METTL21A: variants seen among roughly 807,000 people sequenced by gnomAD.
METTL21A encodes the protein protein N-lysine methyltransferase METTL21A.
Under a neutral mutation model 20.9 loss-of-function variants are expected in METTL21A, and 22 were observed. That is an observed-to-expected ratio of 1.05 (90% CI 0.75 to 1.50). The LOEUF (loss-of-function observed/expected upper bound fraction) is 1.50, where lower values mean the gene tolerates loss of function less well. Among genes scored for constraint, METTL21A ranks in the 40% most tolerant of loss-of-function variants. The pLI is 0.00. For synonymous variants in METTL21A, 93 were observed against 102.0 expected (o/e 0.91, Z 0.53); for missense variants, 271 against 266.8 (o/e 1.02, Z -0.11).
At chr2:207,582,587 A>G (rs2083111038) in intron 3 of METTL21A, among the ~76,000 whole-genome samples, 1 of 152,040 alleles carries the variant, frequency 6.6e-6, no homozygotes, top group African/African-American at 2.4e-5. Flanking sequence ...TTTTAAGCAC[A>G]TCTTTACTTT....
chr2:207,590,487 T>G (rs1374260457), intron 3 of METTL21A, among the ~76,000 whole-genome samples: 2 of 152,086 alleles, frequency 1.3e-5, no homozygotes, highest in Non-Finnish European at 2.9e-5. Flanking sequence ...TTCTCCTGCT[T>G]GCTTTGGTTT....
chr2:207,624,141 C>T, intron 2 of METTL21A, 88 bp downstream of exon 2: 1 of 1,424,908 alleles, frequency 7.0e-7, no homozygotes, highest in Non-Finnish European at 9.4e-7. Flanking sequence ...TGAATTATAT[C>T]TCAATAAAGC....
At chr2:207,613,161 T>C in exon 4 of METTL21A, 1 of 1,614,040 alleles carries the variant, frequency 6.2e-7, no homozygotes, top group Non-Finnish European at 8.5e-7. Context: ...TAAGAAGTTG[T>C]TATCCCGTTC....
chr2:207,597,297 C>A (rs1248652647), intron 3 of METTL21A: 2 of 415,702 alleles, frequency 4.8e-6, no homozygotes, highest in African/African-American at 2.1e-5. Flanking sequence ...GAAGAGACTT[C>A]TGCTTTTCAA....
At chr2:207,622,607 A>C (rs994169828) in intron 2 of METTL21A, among the ~76,000 whole-genome samples, 1 of 152,236 alleles carries the variant, frequency 6.6e-6, no homozygotes, top group African/African-American at 2.4e-5. Context: ...CAAAGCCACA[A>C]CTTCACCCAT....
At chr2:207,584,418 A>C (rs1250640520) in intron 3 of METTL21A, among the ~76,000 whole-genome samples, 3 of 150,770 alleles carry the variant, frequency 2.0e-5, no homozygotes, top group African/African-American at 7.3e-5. Context: ...TTTTTTTTTG[A>C]GACGGAGTCT....
At chr2:207,590,893 G>A (rs1384405628) in intron 3 of METTL21A, among the ~76,000 whole-genome samples, 2 of 152,058 alleles carry the variant, frequency 1.3e-5, no homozygotes, top group Non-Finnish European at 2.9e-5. Flanking sequence ...CATTGGTTTA[G>A]CTGTGTCCCA....
intron 3 of METTL21A, among the ~76,000 whole-genome samples, chr2:207,621,349 C>A (rs1169512247): frequency 1.3e-5 from 2 of 152,166 alleles, no homozygotes; most frequent in African/African-American, 4.8e-5. Context: ...GCCCTCCCTA[C>A]AAGAGAAAAA....
chr2:207,585,555 A>G (rs1263607773), intron 3 of METTL21A, among the ~76,000 whole-genome samples: 1 of 151,930 alleles, frequency 6.6e-6, no homozygotes, highest in Admixed American at 6.5e-5. Flanking sequence ...AAGGAACACA[A>G]TAATTTTCCA....
chr2:207,616,821 G>A (rs963930255), intron 3 of METTL21A, among the ~76,000 whole-genome samples: 6 of 152,160 alleles, frequency 3.9e-5, no homozygotes, highest in African/African-American at 7.2e-5. Context: ...CAGCCTGGGC[G>A]ACAAGAGCGA....
rs1012108186 is a variant in METTL21A, at chr2:207,588,238, G to C, written c.260-6078C>G. Among the ~76,000 whole-genome samples, 4 of 152,010 alleles carry C rather than the reference G, an allele frequency of 2.6e-5. No individual in the cohort carries two copies. The South Asian group carries it at 8.3e-4, about 32-fold the overall frequency. ...TTTGTATAAGGTGTGAGGATGTGTC[G>C]AGATCCATTTTTTTATATAGGAACA... On this transcript the variant is annotated intron_variant, in intron 3 of 3. Transcript: ENST00000425132.
downstream of METTL21A, among the ~76,000 whole-genome samples, chr2:207,604,619 ATTAAC>A (rs891533473): frequency 6.6e-6 from 1 of 152,224 alleles, no homozygotes; most frequent in Admixed American, 6.5e-5. Context: ...ATTCACATAA[ATTAAC>A]TTTTTAAGTG....
At chr2:207,619,804 G>A (rs926254248) in intron 3 of METTL21A, among the ~76,000 whole-genome samples, 4 of 152,008 alleles carry the variant, frequency 2.6e-5, no homozygotes, top group Non-Finnish European at 2.9e-5. Flanking sequence ...ATCAACACTC[G>A]TGGAGCACTT....
At chr2:207,622,783 G>T (rs1199665082) in intron 2 of METTL21A, among the ~76,000 whole-genome samples, 1 of 152,216 alleles carries the variant, frequency 6.6e-6, no homozygotes, top group Non-Finnish European at 1.5e-5. Flanking sequence ...CCTACAGAAA[G>T]AAGTGTATAA....
At chr2:207,599,035 A>T (rs2086632636) in intron 3 of METTL21A, 1 of 187,726 alleles carries the variant, frequency 5.3e-6, no homozygotes, top group Admixed American at 6.2e-5. Flanking sequence ...TAACATTTGT[A>T]AATGGTATAT....
downstream of METTL21A, among the ~76,000 whole-genome samples, chr2:207,607,129 C>A (rs550725130): frequency 9.2e-5 from 14 of 152,120 alleles, 1 homozygote; most frequent in African/African-American, 3.4e-4. Context: ...TGGCTCACAC[C>A]TGTAATCCCT....
intron 3 of METTL21A, among the ~76,000 whole-genome samples, chr2:207,615,878 A>G (rs1236108060): frequency 6.6e-6 from 1 of 151,802 alleles, no homozygotes; most frequent in Non-Finnish European, 1.5e-5. Context: ...GTGGACTGGG[A>G]TTTCTTAATA....
At chr2:207,587,426 CAA>C (rs2084081252) in intron 3 of METTL21A, among the ~76,000 whole-genome samples, 1 of 149,686 alleles carries the variant, frequency 6.7e-6, no homozygotes, top group African/African-American at 2.4e-5. Context: ...AAAAAACACA[CAA>C]AAAATAAAAG....
exon 3 of METTL21A, chr2:207,621,911 C>T (rs774446965): frequency 7.4e-6 from 12 of 1,613,224 alleles, no homozygotes; most frequent in Admixed American, 5.0e-5. Context: ...GTGGAAAGAA[C>T]GATGGCCTGA....
Sources: allele counts gnomAD v4.1 joint callset (sites outside exome capture counted in the v4.1 genomes callset), GRCh38; gene constraint gnomAD v4.1.1; transcripts MANE v1.5; gene names NCBI Gene and HGNC (gene_info 2026-07-23, HGNC 2026-07-21).